Variants in ANKS6 observed in about 807,000 individuals in gnomAD.
The protein encoded by ANKS6 is ankyrin repeat and SAM domain-containing protein 6.
Under a neutral mutation model 77.9 loss-of-function variants are expected in ANKS6, and 47 were observed. The observed-to-expected ratio is 0.60, with a 90% CI of 0.48 to 0.77. The LOEUF is 0.77. Ranked by LOEUF, ANKS6 falls within the 30% of genes least tolerant of loss-of-function variation. The pLI, the probability that ANKS6 is intolerant of heterozygous loss-of-function variation, is 0.00. For missense variants in ANKS6, 1,150 were observed against 1,159.1 expected (o/e 0.99, Z 0.11); for synonymous variants, 488 against 501.7 (o/e 0.97, Z 0.37).
intron 9 of ANKS6, 40 bp downstream of exon 9, chr9:98,773,837 C>T (rs1478920582): frequency 3.4e-6 from 5 of 1,460,882 alleles, no homozygotes; most frequent in Admixed American, 4.5e-5. Flanking sequence ...TCTCAGTGAG[C>T]AGTGAGTGAT....
intron 5 of ANKS6, among the ~76,000 whole-genome samples, chr9:98,781,915 T>A (rs1025392601): frequency 2.0e-5 from 3 of 151,972 alleles, no homozygotes; most frequent in South Asian, 2.1e-4. Flanking sequence ...GCTGGCTAAC[T>A]GGAAGCCCAG....
rs544087603 is a variant in ANKS6 at position 98,735,763 on chromosome 9, T to C, written c.*756A>G. ...GCAGGCCTCCACTTCTTTCCTTCTA[T>C]AATAGACTCTCTTTGCAATAAAGAA... On this transcript the variant is annotated 3_prime_UTR_variant, in exon 15 of 15. Transcript: ENST00000353234. 5 of 1,231,756 alleles carry C rather than the reference T, an allele frequency of 4.1e-6. No individual in the cohort carries two copies. Among genetic ancestry groups the C allele is most frequent in the South Asian group, 4.1e-5 (1 of 24,324 alleles). The allele number at this position is 1,231,756 out of a possible 1,614,324, so 76.3% of individuals were successfully genotyped here.
intron 11 of ANKS6, among the ~76,000 whole-genome samples, chr9:98,764,991 T>C (rs892381604): frequency 6.6e-6 from 1 of 152,212 alleles, no homozygotes; most frequent in Non-Finnish European, 1.5e-5. Context: ...CATAAATGGA[T>C]ATATCTTTCT....
chr9:98,754,503 G>A (rs1254775718), intron 12 of ANKS6, among the ~76,000 whole-genome samples: 1 of 152,056 alleles, frequency 6.6e-6, no homozygotes, highest in African/African-American at 2.4e-5. Flanking sequence ...TTAGCCAGGC[G>A]TGGTGGCGGG....
intron 12 of ANKS6, among the ~76,000 whole-genome samples, chr9:98,754,147 G>A (rs1314231737): frequency 3.9e-5 from 6 of 152,304 alleles, no homozygotes; most frequent in African/African-American, 1.4e-4. Context: ...TCCCCTGGGT[G>A]CATAGGTTAG....
intron 9 of ANKS6, among the ~76,000 whole-genome samples, chr9:98,771,703 C>A (rs111530225): frequency 4.6e-5 from 7 of 152,132 alleles, no homozygotes; most frequent in South Asian, 2.1e-4. Context: ...GCGGCTCCCC[C>A]CCATCCTTAC....
intron 13 of ANKS6, among the ~76,000 whole-genome samples, chr9:98,747,166 T>G (rs935742182): frequency 3.9e-5 from 6 of 152,398 alleles, no homozygotes; most frequent in Admixed American, 2.0e-4. Context: ...AGAGATATGC[T>G]ACTGTCATTT....
Position 98,769,075 on chromosome 9 carries a change from G to A in ANKS6, c.1973-825C>T, listed in dbSNP as rs556709016. ...CCAGAAGGGGGAGGCTGCAGTGAGTGAAGATCGCACCACTGCACTCCAGCC... is the reference window on the plus strand; with the variant it reads ...CCAGAAGGGGGAGGCTGCAGTGAGTAAAGATCGCACCACTGCACTCCAGCC... On this transcript the variant is annotated intron_variant, in intron 10 of 14. Transcript: ENST00000353234. Among the ~76,000 whole-genome samples the A allele has an allele frequency of 1.1e-4, 17 of 147,998 alleles. 1 individual carries two copies. The South Asian group carries it at 3.0e-3, about 26-fold the overall frequency.
At chr9:98,754,958 G>C (rs905175545) in intron 12 of ANKS6, among the ~76,000 whole-genome samples, 1 of 152,122 alleles carries the variant, frequency 6.6e-6, no homozygotes, top group African/African-American at 2.4e-5. Flanking sequence ...TGAATCTCTA[G>C]GGGCTTCAAT....
chr9:98,796,073 C>T (rs1835157791), intron 1 of ANKS6, 60 bp downstream of exon 1: 2 of 1,264,700 alleles, frequency 1.6e-6, no homozygotes, highest in Admixed American at 4.2e-5. Flanking sequence ...CCGGGGACCG[C>T]GTCTCGGGCC....
At position 98,745,618 on chromosome 9, in the gene ANKS6, T is replaced by C. The variant is rs371024942; in HGVS notation, c.2452A>G (p.Lys818Glu). 1 of 1,614,190 alleles carries C rather than the reference T, an allele frequency of 6.2e-7. No homozygotes were observed. Among genetic ancestry groups the C allele is most frequent in the Non-Finnish European group, 8.5e-7 (1 of 1,180,030 alleles). The change falls in exon 14 of 15, where the codon AAG becomes GAG. Residue 818 changes from lysine (K) to glutamate (E), a missense_variant. By Grantham distance (56) the Lys-to-Glu change is moderately conservative. Transcript: ENST00000353234. ...TDGDLKELGI[K>E]TDGSRQQILA... Reference sequence around the variant, plus strand: ...ATCTGCTGCCTGGACCCATCTGTCTTAATTCCCAGCTCCTTCAAGTCACCG... The same window carrying C: ...ATCTGCTGCCTGGACCCATCTGTCTCAATTCCCAGCTCCTTCAAGTCACCG...
In ANKS6 at chr9:98,777,421, G is replaced by T. The variant is rs373390160; in HGVS notation, c.1601C>A (p.Thr534Lys). ...PGSTRGEKED[T>K]LLTTMLRNGA... ...CACACTCACCATGGTTGTCAATAAC[G>T]TGTCTTCCTTTTCTCCTCTTGTGCT... Residue 534 changes from threonine to lysine, a missense_variant, in exon 8 of 15, where the codon ACG becomes AAG. By Grantham distance (78) the Thr-to-Lys change is moderately conservative. Coordinates refer to ENST00000353234, the MANE Select transcript of ANKS6 (RefSeq NM_173551.5). The T allele has an allele frequency of 2.5e-6, 4 of 1,614,022 alleles. No homozygotes were observed. Among genetic ancestry groups the T allele is most frequent in the Non-Finnish European group, 3.4e-6 (4 of 1,180,034 alleles).
chr9:98,780,326 C>G lies in ANKS6; in HGVS notation c.1231G>C (p.Val411Leu). 1.9e-6 allele frequency: 3 copies of G among 1,596,692 alleles called. 1 individual carries two copies. Among genetic ancestry groups the G allele is most frequent in the Middle Eastern group, 3.3e-4 (2 of 6,036 alleles). ...MLLNDPDTEL[V>L]RLLASVCMQV... ...ATGCAGACAGATGCCAGCAGTCGAA[C>G]AAGTTCCGTGTCTATGGACACAAAA... is the stretch of plus-strand genomic sequence containing the variant. Residue 411 changes from valine (V) to leucine (L), a missense_variant, in exon 6 of 15, where the codon GTT (valine) becomes CTT (leucine). Transcript: ENST00000353234.
In ANKS6 at chr9:98,736,577, G is replaced by A. The variant is rs1002318663; in HGVS notation, c.2558C>T (p.Ser853Phe). 1 of 1,613,672 alleles carries A rather than the reference G, an allele frequency of 6.2e-7. No individual in the cohort carries two copies. The highest frequency in any genetic ancestry group is 1.3e-5 in the African/African-American group (1 of 75,040). ...ILQETIHNFHSSFESSASNTR... is the reference protein window; with the variant it reads ...ILQETIHNFHFSFESSASNTR... ...GTTGCTGGCACTGCTCTCAAAGGAA[G>A]AGTGAAAGTTGTGAATGGTTTCCTG... The change falls in exon 15 of 15, where the codon TCT becomes TTT. Residue 853 changes from serine (S) to phenylalanine (F), a missense_variant. By Grantham distance (155) the Ser-to-Phe change is radical (BLOSUM62 -2). Coordinates refer to ENST00000353234, the MANE Select transcript of ANKS6 (RefSeq NM_173551.5).
intron 14 of ANKS6, among the ~76,000 whole-genome samples, chr9:98,739,284 AACAACAACAACG>A (rs1263568081): frequency 6.6e-6 from 1 of 152,164 alleles, no homozygotes; most frequent in Non-Finnish European, 1.5e-5. Context: ...AAAAATTAAA[AACAACAACAACG>A]ACAACAACAA....
At chr9:98,771,087 C>T in intron 9 of ANKS6, 41 bp from the exon 10 acceptor site, 1 of 1,460,998 alleles carries the variant, frequency 6.8e-7, no homozygotes, top group Non-Finnish European at 9.1e-7. Context: ...GGAGGCTGCT[C>T]CTCCCTCCAG....
chr9:98,739,914 C>G (rs369722055), intron 14 of ANKS6, among the ~76,000 whole-genome samples: 1 of 151,730 alleles, frequency 6.6e-6, no homozygotes. Context: ...CGCCACCTCA[C>G]CCGGCTAATT....
intron 13 of ANKS6, among the ~76,000 whole-genome samples, chr9:98,748,195 C>G (rs1287577153): frequency 2.0e-5 from 3 of 152,202 alleles, no homozygotes; most frequent in Non-Finnish European, 2.9e-5. Flanking sequence ...TGAATGACAG[C>G]ATCAATCAAT....
intron 14 of ANKS6, among the ~76,000 whole-genome samples, chr9:98,741,401 C>A (rs1166415512): frequency 6.6e-6 from 1 of 151,786 alleles, no homozygotes; most frequent in Non-Finnish European, 1.5e-5. Context: ...CCAGCCTGGG[C>A]AACACAGGAA....
Sources: gnomAD v4.1 joint callset for allele counts (sites outside exome capture counted in the v4.1 genomes callset) on GRCh38, gnomAD v4.1.1 for gene constraint, MANE v1.5 for transcripts, NCBI Gene and HGNC (gene_info 2026-07-23, HGNC 2026-07-21) for gene names.